The following RNF128 variants were observed in gnomAD, a reference collection of about 807,000 sequenced individuals.
The protein encoded by RNF128 is ring finger protein 128.
RNF128 carries 13 observed loss-of-function variants against 26.2 expected under a neutral mutation model. The observed-to-expected ratio is 0.50, with a 90% CI of 0.32 to 0.79. The LOEUF (loss-of-function observed/expected upper bound fraction) is 0.79. RNF128 is among the 30% of genes least tolerant of loss of function. The pLI is 0.03. For synonymous variants in RNF128, 149 were observed against 142.5 expected (o/e 1.05, Z -0.32); for missense variants, 315 against 349.7 (o/e 0.90, Z 0.79).
At chrX:106,772,422 G>C (rs1344864145) in intron 1 of RNF128, among the ~76,000 whole-genome samples, 3 of 111,634 alleles carry the variant, frequency 2.7e-5, no homozygotes, top group Non-Finnish European at 3.8e-5. Context: ...AACATTGTTT[G>C]GCTCAAATTA....
chrX:106,710,629 C>T (rs1036875741), intron 1 of RNF128, among the ~76,000 whole-genome samples: 2 of 107,546 alleles, frequency 1.9e-5, no homozygotes, highest in African/African-American at 6.8e-5. Context: ...TGGTGGCAGG[C>T]GCCTGTAATC....
intron 2 of RNF128, among the ~76,000 whole-genome samples, chrX:106,782,651 T>C (rs1374521692): frequency 8.9e-6 from 1 of 112,008 alleles, no homozygotes; most frequent in Non-Finnish European, 1.9e-5. Context: ...TACCTTCTTC[T>C]GGGGGTTGTT....
intron 1 of RNF128, among the ~76,000 whole-genome samples, chrX:106,765,359 G>C (rs889692157): frequency 2.6e-4 from 29 of 111,878 alleles, no homozygotes; most frequent in Middle Eastern, 4.7e-3. Context: ...ATAAATTTAA[G>C]GGATTGCTTG....
chrX:106,777,299 A>G (rs1383313264), intron 2 of RNF128, among the ~76,000 whole-genome samples: 1 of 112,058 alleles, frequency 8.9e-6, no homozygotes, highest in Non-Finnish European at 1.9e-5. Context: ...GTCTATCACA[A>G]AGTTCAAGTG....
intron 1 of RNF128, among the ~76,000 whole-genome samples, chrX:106,736,028 A>C (rs1007165490): frequency 9.1e-6 from 1 of 110,022 alleles, no homozygotes; most frequent in African/African-American, 3.3e-5. Context: ...TCTACTCAAT[A>C]CTGTTAAGAT....
intron 1 of RNF128, among the ~76,000 whole-genome samples, chrX:106,755,715 G>A (rs1008223029): frequency 2.7e-5 from 3 of 111,292 alleles, no homozygotes; most frequent in African/African-American, 9.8e-5. Context: ...ATCCTTTCAC[G>A]ATTAAAAACC....
intron 1 of RNF128, among the ~76,000 whole-genome samples, chrX:106,714,175 C>G (rs1454138061): frequency 1.2e-5 from 1 of 84,472 alleles, no homozygotes; most frequent in Non-Finnish European, 2.1e-5. Flanking sequence ...GAGACTCCGT[C>G]TCAAAAAAAA....
At chrX:106,750,030 G>A (rs1439677578) in intron 1 of RNF128, among the ~76,000 whole-genome samples, 1 of 112,611 alleles carries the variant, frequency 8.9e-6, no homozygotes. Flanking sequence ...TCAGTAGTGA[G>A]AAGTGGGGAA....
chrX:106,770,759 C>A (rs958822144), intron 1 of RNF128, among the ~76,000 whole-genome samples: 22 of 112,199 alleles, frequency 2.0e-4, no homozygotes, highest in African/African-American at 7.1e-4. Flanking sequence ...CTCAACCCAT[C>A]AAAGTCATTT....
intron 2 of RNF128, among the ~76,000 whole-genome samples, chrX:106,781,189 C>T (rs751361392): frequency 9.0e-6 from 1 of 111,469 alleles, no homozygotes; most frequent in Non-Finnish European, 1.9e-5. Flanking sequence ...GAGAAAGGCA[C>T]ATTAATAATA....
At chrX:106,786,910 G>A (rs369840567) in intron 3 of RNF128, among the ~76,000 whole-genome samples, 24 of 111,405 alleles carry the variant, frequency 2.2e-4, no homozygotes, top group African/African-American at 7.1e-4. Flanking sequence ...ATACAACTAC[G>A]CATTCATTAG....
At chrX:106,757,141 G>T in intron 1 of RNF128, among the ~76,000 whole-genome samples, 1 of 57,413 alleles carries the variant, frequency 1.7e-5, no homozygotes, top group African/African-American at 7.5e-5. Flanking sequence ...TGGTGGGACT[G>T]TAAACTAGTT....
chrX:106,780,593 T>G (rs1027415653), intron 2 of RNF128, among the ~76,000 whole-genome samples: 1 of 112,356 alleles, frequency 8.9e-6, no homozygotes, highest in Non-Finnish European at 1.9e-5. Context: ...TACTTGCTTT[T>G]TAAAATTCCC....
intron 1 of RNF128, among the ~76,000 whole-genome samples, chrX:106,731,869 C>T (rs1929507787): frequency 9.0e-6 from 1 of 111,378 alleles, no homozygotes; most frequent in Non-Finnish European, 1.9e-5. Flanking sequence ...AAATACTTAG[C>T]CTCTTGATTG....
intron 1 of RNF128, among the ~76,000 whole-genome samples, chrX:106,767,128 A>G (rs753986803): frequency 3.6e-5 from 4 of 111,706 alleles, no homozygotes; most frequent in South Asian, 7.5e-4. Context: ...GCCTTGTAGT[A>G]TAGTTTGAAG....
At position 106,709,882 on chromosome X, in the gene RNF128, A is replaced by G. The variant is rs1201261208; in HGVS notation, c.406+15474A>G. ...CTTATGGGAATATTTTTATTTCCCT[A>G]CGGTAAGATCTTGGAGATAGTCTAT... On this transcript the variant is annotated intron_variant, in intron 1 of 6. Transcript: ENST00000324342. 1.4e-4 allele frequency among the ~76,000 whole-genome samples: 16 copies of G among 111,496 alleles called. No individual in the cohort carries two copies. In the Admixed American group the frequency reaches 1.5e-3, roughly 11 times the overall value.
At chrX:106,735,580 C>T (rs183551929) in intron 1 of RNF128, among the ~76,000 whole-genome samples, 1 of 111,165 alleles carries the variant, frequency 9.0e-6, no homozygotes, top group African/African-American at 3.3e-5. Flanking sequence ...CAGAAAAATT[C>T]GTAGTTTTAA....
Position 106,791,221 on chromosome X carries a change from C to T in RNF128, c.1140C>T (p.His380=), listed in dbSNP as rs184882332. Reference sequence around the variant, plus strand: ...CAGATGAACCGCCTCTGGAGGAACACGTGCAGTCAACAAGTAAGCATCATA... The same window carrying T: ...CAGATGAACCGCCTCTGGAGGAACATGTGCAGTCAACAAGTAAGCATCATA... ...QGTDEPPLEE[H]VQSTNESLQL... Residue 380 remains histidine, a synonymous_variant, in exon 6 of 7, where the codon CAC becomes CAT. Coordinates refer to ENST00000255499, the MANE Select transcript of RNF128 (RefSeq NM_194463.2). 2.6e-5 allele frequency: 31 copies of T among 1,205,683 alleles called. No homozygotes were observed. The Admixed American group carries it at 4.6e-4, about 18-fold the overall frequency.
intron 1 of RNF128, among the ~76,000 whole-genome samples, chrX:106,734,358 G>A (rs908373064): frequency 9.0e-6 from 1 of 111,672 alleles, no homozygotes; most frequent in African/African-American, 3.3e-5. Flanking sequence ...ATTTCTTAGG[G>A]TTTGATCACC....
Sources: gnomAD v4.1 joint callset for allele counts (sites outside exome capture counted in the v4.1 genomes callset) on GRCh38, gnomAD v4.1.1 for gene constraint, MANE v1.5 for transcripts, NCBI Gene and HGNC (gene_info 2026-07-23, HGNC 2026-07-21) for gene names.